TULP4: variants seen among roughly 807,000 people sequenced by gnomAD.
TULP4 encodes TUB like protein 4, also known as tubby-related protein 4.
TULP4 carries 16 observed loss-of-function variants against 129.0 expected under a neutral mutation model. That is an observed-to-expected ratio of 0.12 (90% CI 0.08 to 0.19). The LOEUF is 0.19. Ranked by LOEUF, TULP4 falls within the 10% of genes least tolerant of loss-of-function variation. The probability of loss-of-function intolerance (pLI) is 1.00; values close to 1 mark genes in which losing one functional copy is unlikely to be tolerated. For missense variants in TULP4, 1,842 were observed against 2,059.1 expected (o/e 0.89, Z 2.04); for synonymous variants, 998 against 854.0 (o/e 1.17, Z -2.94).
At chr6:158,235,345 C>T (rs1777670768) in intron 1 of TULP4, among the ~76,000 whole-genome samples, 1 of 152,178 alleles carries the variant, frequency 6.6e-6, no homozygotes. Flanking sequence ...CCTGCAGCCC[C>T]TGGAAACCAC....
chr6:158,244,077 G>T (rs1326682263), intron 1 of TULP4, among the ~76,000 whole-genome samples: 2 of 152,144 alleles, frequency 1.3e-5, no homozygotes, highest in Non-Finnish European at 2.9e-5. Context: ...GCCTATTTTA[G>T]CATACGTGGT....
intron 6 of TULP4, among the ~76,000 whole-genome samples, chr6:158,470,939 A>G (rs893202915): frequency 3.3e-5 from 5 of 152,232 alleles, no homozygotes; most frequent in African/African-American, 1.2e-4. Flanking sequence ...AGGGGAAGGC[A>G]GAGAGAGGAT....
At chr6:158,486,516 G>A (rs1056256697) in intron 8 of TULP4, among the ~76,000 whole-genome samples, 3 of 152,054 alleles carry the variant, frequency 2.0e-5, no homozygotes, top group Non-Finnish European at 4.4e-5. Flanking sequence ...TCGCGCCACT[G>A]CACTCCAGCC....
In TULP4 at chr6:158,408,518, G is replaced by A. The variant is rs1447891393; in HGVS notation, c.253-4547G>A. On this transcript the variant is annotated intron_variant, in intron 1 of 13. Coordinates refer to ENST00000367097, the MANE Select transcript of TULP4 (RefSeq NM_020245.5). The stretch of plus-strand genomic sequence containing the variant: ...AATGTTTGCGGTGTGCCTGGCCCCG[G>A]TCTGAGGTCCTTTCTTAAGATACTC... 3.3e-5 allele frequency among the ~76,000 whole-genome samples: 5 copies of A among 152,154 alleles called. No individual in the cohort carries two copies. In the South Asian group the frequency reaches 8.3e-4, roughly 25 times the overall value.
chr6:158,242,485 G>C (rs1777943115), intron 1 of TULP4: 4 of 827,632 alleles, frequency 4.8e-6, no homozygotes, highest in Non-Finnish European at 8.5e-6. Context: ...TATCCATAAA[G>C]CTCCTTCAGT....
chr6:158,431,410 T>C (rs1024615667), intron 3 of TULP4, among the ~76,000 whole-genome samples: 6 of 152,196 alleles, frequency 3.9e-5, no homozygotes, highest in South Asian at 4.1e-4. Flanking sequence ...ATGAGCCATC[T>C]GTGAGGCTCA....
intron 1 of TULP4, among the ~76,000 whole-genome samples, chr6:158,283,152 C>CCA (rs1778786840): frequency 1.4e-5 from 2 of 143,034 alleles, no homozygotes; most frequent in African/African-American, 5.1e-5. Context: ...AAAAAAAAAA[C>CCA]AAAAAAAAAC....
At chr6:158,281,708 A>G (rs1778756181), upstream of TULP4, among the ~76,000 whole-genome samples, 1 of 152,128 alleles carries the variant, frequency 6.6e-6, no homozygotes. Flanking sequence ...GACCACATTA[A>G]CCTAGCCCTT....
chr6:158,241,625 C>G (rs181936130), intron 1 of TULP4, among the ~76,000 whole-genome samples: 1 of 151,984 alleles, frequency 6.6e-6, no homozygotes, highest in East Asian at 1.9e-4. Flanking sequence ...GATGGTGTCT[C>G]GCTCTGTCAC....
chr6:158,401,050 T>TTTGTTGTTG (rs199720242), intron 1 of TULP4, among the ~76,000 whole-genome samples: 34 of 147,206 alleles, frequency 2.3e-4, no homozygotes, highest in African/African-American at 8.0e-4. Context: ...GTTTGGGTTT[T>TTTGTTGTTG]TTGTTGTTGT....
chr6:158,261,078 C>T (rs1452378180), intron 1 of TULP4, among the ~76,000 whole-genome samples: 2 of 152,008 alleles, frequency 1.3e-5, no homozygotes, highest in African/African-American at 4.8e-5. Flanking sequence ...TTCAGCATCC[C>T]AGAGCGCTGG....
At chr6:158,378,463 G>T (rs931605855) in intron 1 of TULP4, among the ~76,000 whole-genome samples, 4 of 53,630 alleles carry the variant, frequency 7.5e-5, no homozygotes, top group Non-Finnish European at 8.7e-5. Flanking sequence ...GGGGGAGCCA[G>T]TTTTTTTTTT....
At chr6:158,262,118 T>C (rs776859875) in intron 1 of TULP4, among the ~76,000 whole-genome samples, 1 of 152,192 alleles carries the variant, frequency 6.6e-6, no homozygotes, top group Non-Finnish European at 1.5e-5. Flanking sequence ...TGGCAGTCTC[T>C]GCCTTGGTGT....
At position 158,240,542 on chromosome 6, in the gene TULP4, C is replaced by T. The variant is rs1380556383; in HGVS notation, n.68+8239C>T. ...GGGGCTGACCCCCCCACCTCCCTCC[C>T]GGACGGGGGCGGCTGGCCGGGCAGA... is the stretch of plus-strand genomic sequence containing the variant. On this transcript the variant is annotated intron_variant and non_coding_transcript_variant, in intron 1 of 1. Transcript: ENST00000620026. Among the ~76,000 whole-genome samples, 6 of 96,862 alleles carry T rather than the reference C, an allele frequency of 6.2e-5. 2 individuals are homozygous for T. Among genetic ancestry groups the T allele is most frequent in the African/African-American group, 1.3e-4 (4 of 30,564 alleles). The allele number at this position is 96,862 out of a possible 152,430, so 63.5% of individuals were successfully genotyped here.
Position 158,510,073 on chromosome 6 carries a change from A to G in TULP4, c.*3379A>G, listed in dbSNP as rs1250785081. ...AGGGAAGTGTGATATATTAACAAATATAACCAATTCTAAATTTGTTTTAGC... is the reference window on the plus strand; with the variant it reads ...AGGGAAGTGTGATATATTAACAAATGTAACCAATTCTAAATTTGTTTTAGC... On this transcript the variant is annotated 3_prime_UTR_variant, in exon 14 of 14. Transcript: ENST00000367097. 6.6e-6 allele frequency: 1 copy of G among 152,648 alleles called. No homozygotes were observed. Among genetic ancestry groups the G allele is most frequent in the Non-Finnish European group, 1.5e-5 (1 of 68,038 alleles). The allele number at this position is 152,648 out of a possible 1,614,324, so 9.5% of individuals were successfully genotyped here. A position where few individuals can be genotyped will look rare whatever the true frequency, so the allele number is the denominator to read the frequency against.
rs762406629 is a variant in TULP4, at chr6:158,503,505, C to A, written c.3842C>A (p.Pro1281Gln). ...CAGAACCCCCAGGGCACTCTCCCCC[C>A]AAAGCCACACTTGGTGGTGGAGAAG... ...PMQNPQGTLP[P>Q]KPHLVVEKPL... Residue 1281 changes from proline to glutamine, a missense_variant, in exon 13 of 14, where the codon CCA becomes CAA. Physicochemically the swap from Pro to Gln is moderately conservative, Grantham distance 76. Coordinates refer to ENST00000367097, the MANE Select transcript of TULP4 (RefSeq NM_020245.5). The surrounding 1 kb of genome is among the most constrained non-coding windows in gnomAD (Gnocchi z 4.3). 4 of 1,614,010 alleles carry A rather than the reference C, an allele frequency of 2.5e-6. No individual in the cohort carries two copies. Among genetic ancestry groups the A allele is most frequent in the Middle Eastern group, 1.6e-4 (1 of 6,062 alleles).
chr6:158,255,315 T>A (rs774796037), intron 1 of TULP4, among the ~76,000 whole-genome samples: 3 of 152,168 alleles, frequency 2.0e-5, no homozygotes, highest in Non-Finnish European at 4.4e-5. Context: ...CCCTTCTTTC[T>A]AAGTAGAATT....
At chr6:158,356,117 A>C (rs374747833) in intron 1 of TULP4, among the ~76,000 whole-genome samples, 1 of 152,346 alleles carries the variant, frequency 6.6e-6, no homozygotes, top group African/African-American at 2.4e-5. Context: ...ATACTTCAAT[A>C]AAGTTAATTT....
At chr6:158,351,922 ATG>A (rs1780535115) in intron 1 of TULP4, among the ~76,000 whole-genome samples, 1 of 151,808 alleles carries the variant, frequency 6.6e-6, no homozygotes, top group African/African-American at 2.4e-5. Context: ...GGGTTTCACC[ATG>A]TTGGCCAGGC....
Sources: gnomAD v4.1 joint callset for allele counts (sites outside exome capture counted in the v4.1 genomes callset) on GRCh38, gnomAD v4.1.1 for gene constraint, Gnocchi (gnomAD v3.1) non-coding constraint, MANE v1.5 for transcripts, NCBI Gene and HGNC (gene_info 2026-07-23, HGNC 2026-07-21) for gene names.